The following GBP3 variants were observed in gnomAD, a reference collection of about 807,000 sequenced individuals.
GBP3 encodes guanylate binding protein 3, also known as guanylate-binding protein 3.
GBP3 carries 55 observed loss-of-function variants against 62.4 expected under a neutral mutation model. The ratio of observed to expected loss-of-function variants is 0.88; its 90% CI spans 0.71 to 1.10. The LOEUF is 1.10. Among genes scored for constraint, GBP3 ranks in the 50% least tolerant of loss-of-function variants. The probability of loss-of-function intolerance (pLI) is 0.00; values close to 1 mark genes in which losing one functional copy is unlikely to be tolerated. For missense variants in GBP3, 605 were observed against 690.6 expected (o/e 0.88, Z 1.39); for synonymous variants, 208 against 259.2 (o/e 0.80, Z 1.90).
intron 8 of GBP3, among the ~76,000 whole-genome samples, chr1:89,009,761 A>G (rs1570886481): frequency 6.6e-6 from 1 of 152,172 alleles, no homozygotes; most frequent in Non-Finnish European, 1.5e-5. Flanking sequence ...TCTAAATTTG[A>G]TGCTGTGGTT....
In GBP3 at chr1:89,011,848, C is replaced by T. The variant is rs182441339; in HGVS notation, c.1048G>A (p.Glu350Lys). 3.5e-5 allele frequency: 51 copies of T among 1,461,980 alleles called. 12 individuals are homozygous for T. The South Asian group carries it at 4.8e-4, about 14-fold the overall frequency. 90.6% of individuals were successfully genotyped at this position (1,461,980 alleles called of 1,614,324 possible). Residue 350 changes from glutamate to lysine, a missense_variant, in exon 7 of 11, where the codon GAG becomes AAG. Physicochemically the swap from Glu to Lys is moderately conservative, Grantham distance 56. Around this residue, in one of 3 missense-constraint regions of GBP3, gnomAD observed 137 missense variants for 224.7 expected, o/e 0.61. Coordinates refer to ENST00000370481, the MANE Select transcript of GBP3 (RefSeq NM_018284.3). ...CTAACCCTGTGCAGGTCCAGCAGCT[C>T]CTGGAGGGTTTCTGCGGGCAGCTGC... ...KVQLPAETLQ[E>K]LLDLHRVSER... is the part of the protein sequence containing the mutation.
chr1:89,007,609 A>G lies in GBP3; in HGVS notation c.*115T>C. Reference sequence around the variant, plus strand: ...ATCATTGAACTGCATGTTCTTGTAAACTTTTAGTGTTATGATGCAAGATCT... The same window carrying G: ...ATCATTGAACTGCATGTTCTTGTAAGCTTTTAGTGTTATGATGCAAGATCT... On this transcript the variant is annotated 3_prime_UTR_variant, in exon 11 of 11. Coordinates refer to ENST00000370481, the MANE Select transcript of GBP3 (RefSeq NM_018284.3). 1.0e-6 allele frequency: 1 copy of G among 963,226 alleles called. No individual in the cohort carries two copies. The highest frequency in any genetic ancestry group is 2.4e-5 in the Admixed American group (1 of 41,604). 59.7% of individuals were successfully genotyped at this position (963,226 alleles called of 1,614,324 possible).
At chr1:89,014,928 A>AT (rs1553177180) in intron 3 of GBP3, among the ~76,000 whole-genome samples, 1 of 152,246 alleles carries the variant, frequency 6.6e-6, no homozygotes, top group Non-Finnish European at 1.5e-5. Context: ...GTTAATGGGC[A>AT]TTCTAAGGCC....
In GBP3 at chr1:89,014,718, G is replaced by C. The variant is rs555993614; in HGVS notation, c.319-62C>G. Reference sequence around the variant, plus strand: ...TCATCATCACAGCACTTTCCAGAGTGACAGTAGTAAAAGTATATCATAAGT... The same window carrying C: ...TCATCATCACAGCACTTTCCAGAGTCACAGTAGTAAAAGTATATCATAAGT... On this transcript the variant is annotated intron_variant, in intron 3 of 10. Coordinates refer to ENST00000370481, the MANE Select transcript of GBP3 (RefSeq NM_018284.3). The C allele has an allele frequency of 5.9e-4, 946 of 1,600,182 alleles. 10 individuals are homozygous for C. The South Asian group carries it at 9.9e-3, about 17-fold the overall frequency.
In GBP3 at chr1:89,007,842, C is replaced by A. The variant is rs549380651; in HGVS notation, c.1670G>T (p.Arg557Leu). ...ACCTTGGCATCTCTCCTTTAGTACTCGGGCCTGTTCCTAAAAAGGGACAAA... is the reference window on the plus strand; with the variant it reads ...ACCTTGGCATCTCTCCTTTAGTACTAGGGCCTGTTCCTAAAAAGGGACAAA... ...TLTSKLQEQA[R>L]VLKERCQGES... The change falls in exon 11 of 11, where the codon CGA becomes CTA. Residue 557 changes from arginine to leucine, a missense_variant. Physicochemically the swap from Arg to Leu is moderately radical, Grantham distance 102 (BLOSUM62 -2). This residue lies in a region of GBP3 where 160 missense variants were observed against 147.8 expected (regional missense o/e 1.08). Transcript: ENST00000370481. 6.2e-7 allele frequency: 1 copy of A among 1,610,976 alleles called. No homozygotes were observed. The highest frequency in any genetic ancestry group is 1.1e-5 in the South Asian group (1 of 90,096).
rs374345130 is a variant in GBP3, at chr1:89,011,098, G to A, written c.1168C>T (p.Arg390Trp). 3.3e-5 allele frequency: 48 copies of A among 1,461,748 alleles called. 7 individuals are homozygous for A. Among genetic ancestry groups the A allele is most frequent in the Non-Finnish European group, 4.4e-5 (46 of 1,054,990 alleles). 90.5% of individuals were successfully genotyped at this position (1,461,748 alleles called of 1,614,324 possible). A position where few individuals can be genotyped will look rare whatever the true frequency, so the allele number is the denominator to read the frequency against. Residue 390 changes from arginine (R) to tryptophan (W), a missense_variant, in exon 8 of 11, where the codon CGG (arginine) becomes TGG (tryptophan). By Grantham distance (101) the Arg-to-Trp change is moderately radical. This residue lies in a region of GBP3 where 137 missense variants were observed against 224.7 expected (regional missense o/e 0.61). Transcript: ENST00000370481. ...KKLAAQLDKKRDDFCKQNQEA... is the reference protein window; with the variant it reads ...KKLAAQLDKKWDDFCKQNQEA... ...TGATTCTGTTTACAAAAGTCATCCC[G>A]CTTTTTGTCTAGCTGGGCCTTTAAT...
At chr1:89,014,717 T>G in intron 3 of GBP3, 61 bp from the exon 4 acceptor site, 11 of 1,601,696 alleles carry the variant, frequency 6.9e-6, no homozygotes, top group Non-Finnish European at 9.4e-6. Context: ...CTTTCCAGAG[T>G]GACAGTAGTA....
chr1:89,019,504 T>C (rs925316977), intron 2 of GBP3, among the ~76,000 whole-genome samples: 2 of 152,198 alleles, frequency 1.3e-5, no homozygotes, highest in African/African-American at 4.8e-5. Context: ...GTCAGGCTAG[T>C]CTTGAACTCC....
Position 89,013,073 on chromosome 1 carries a change from A to G in GBP3, c.868+112T>C, listed in dbSNP as rs191847658. The G allele has an allele frequency of 2.4e-5, 29 of 1,199,290 alleles. No homozygotes were observed. In the Admixed American group the frequency reaches 6.1e-4, roughly 25 times the overall value. 74.3% of individuals were successfully genotyped at this position (1,199,290 alleles called of 1,614,324 possible). On this transcript the variant is annotated intron_variant, in intron 6 of 10. Coordinates refer to ENST00000370481, the MANE Select transcript of GBP3 (RefSeq NM_018284.3). ...GGTTGGTCTCAAACTCCTGGCCTCA[A>G]GTGATCTGCCCTCCTCGGCCTCCCA...
At chr1:89,022,027 C>CT (rs1679266287) in intron 1 of GBP3, among the ~76,000 whole-genome samples, 2 of 146,114 alleles carry the variant, frequency 1.4e-5, no homozygotes, top group South Asian at 4.4e-4. Context: ...AGAGGAAAAA[C>CT]TAGGCCACCG....
intron 1 of GBP3, among the ~76,000 whole-genome samples, chr1:89,021,510 G>GCGCGCGCGCGCACA (rs751639388): frequency 1.5e-5 from 2 of 131,738 alleles, no homozygotes; most frequent in African/African-American, 6.0e-5. Flanking sequence ...GCGCGCGCGC[G>GCGCGCGCGCGCACA]CACACACACA....
In GBP3 at chr1:89,007,750, A is replaced by G. The variant is rs1224947991; in HGVS notation, c.1762T>C (p.Tyr588His). 2.5e-6 allele frequency: 4 copies of G among 1,612,282 alleles called. No individual in the cohort carries two copies. Among genetic ancestry groups the G allele is most frequent in the Non-Finnish European group, 3.4e-6 (4 of 1,179,424 alleles). The change falls in exon 11 of 11, where the codon TAT becomes CAT. Residue 588 changes from tyrosine to histidine, a missense_variant. Physicochemically the swap from Tyr to His is moderately conservative, Grantham distance 83. Around this residue, in one of 3 missense-constraint regions of GBP3, gnomAD observed 160 missense variants for 147.8 expected, o/e 1.08. Coordinates refer to ENST00000370481, the MANE Select transcript of GBP3 (RefSeq NM_018284.3). ...QKTLKKKTKR[Y>H]MSHKLKI ...TAGATCTTTAGCTTATGCGACATAT[A>G]TCTCTTGGTTTTTTTTTTCAGGGTC...
At position 89,009,502 on chromosome 1, in the gene GBP3, C is replaced by A. The variant is rs1345982058; in HGVS notation, c.1363-8G>T. 2 of 1,613,410 alleles carry A rather than the reference C, an allele frequency of 1.2e-6. No homozygotes were observed. The highest frequency in any genetic ancestry group is 2.2e-5 in the South Asian group (2 of 90,942). ...CTGCAGAATCTCTTCAGCCTTAGGACCCAGAGAACACAGAGTGAGAAGTAG... is the reference window on the plus strand; with the variant it reads ...CTGCAGAATCTCTTCAGCCTTAGGAACCAGAGAACACAGAGTGAGAAGTAG... On this transcript the variant is annotated splice_polypyrimidine_tract_variant and splice_region_variant and intron_variant, in intron 8 of 10. Coordinates refer to ENST00000370481, the MANE Select transcript of GBP3 (RefSeq NM_018284.3).
chr1:89,008,647 C>T (rs964232221), intron 10 of GBP3, among the ~76,000 whole-genome samples: 3 of 151,798 alleles, frequency 2.0e-5, no homozygotes, highest in African/African-American at 7.3e-5. Context: ...AAAGTTCTCG[C>T]TTCATATGGT....
chr1:89,019,231 C>T (rs575942842), intron 2 of GBP3, among the ~76,000 whole-genome samples: 16 of 152,220 alleles, frequency 1.1e-4, no homozygotes, highest in South Asian at 2.1e-4. Context: ...AACTGACAAG[C>T]GAACAGATAA....
At chr1:89,012,655 G>A (rs72965332) in intron 6 of GBP3, among the ~76,000 whole-genome samples, 5,486 of 137,574 alleles carry the variant, frequency 0.04, 667 homozygotes, top group African/African-American at 0.13. Context: ...CTACTGTACT[G>A]TACAGTGCAG....
chr1:89,010,983 G>C lies in GBP3; in HGVS notation c.1283C>G (p.Pro428Arg). Reference sequence around the variant, plus strand: ...CTGAATAAAGAGACAATAGCCCCCTGGTTTCGAATAAATTCCCGCCTTCAC... The same window carrying C: ...CTGAATAAAGAGACAATAGCCCCCTCGTTTCGAATAAATTCCCGCCTTCAC... Reference protein sequence around the residue: ...EEVKAGIYSKPGGYCLFIQKL... With the variant: ...EEVKAGIYSKRGGYCLFIQKL... Residue 428 changes from proline to arginine, a missense_variant, in exon 8 of 11, where the codon CCA becomes CGA. Physicochemically the swap from Pro to Arg is moderately radical, Grantham distance 103. Coordinates refer to ENST00000370481, the MANE Select transcript of GBP3 (RefSeq NM_018284.3). 6.8e-7 allele frequency: 1 copy of C among 1,461,434 alleles called. No homozygotes were observed. The highest frequency in any genetic ancestry group is 9.5e-7 in the Non-Finnish European group (1 of 1,055,054). The allele number at this position is 1,461,434 out of a possible 1,614,324, so 90.5% of individuals were successfully genotyped here. A position where few individuals can be genotyped will look rare whatever the true frequency, so the allele number is the denominator to read the frequency against.
Position 89,015,336 on chromosome 1 carries a change from T to C in GBP3, c.269A>G (p.Glu90Gly). The C allele has an allele frequency of 6.2e-7, 1 of 1,613,668 alleles. No homozygotes were observed. Residue 90 changes from glutamate (E) to glycine (G), a missense_variant, in exon 3 of 11, where the codon GAA becomes GGA. By Grantham distance (98) the Glu-to-Gly change is moderately conservative. Around this residue, in one of 3 missense-constraint regions of GBP3, gnomAD observed 308 missense variants for 318.0 expected, o/e 0.97. Coordinates refer to ENST00000370481, the MANE Select transcript of GBP3 (RefSeq NM_018284.3). The stretch of plus-strand genomic sequence containing the variant: ...AGTGTCAAGCAGGACTAAGGTGTGT[T>C]CTGGCTTTTTGGGGTGAGGCACACA... ...MWCVPHPKKP[E>G]HTLVLLDTEG...
chr1:89,008,807 C>T, intron 10 of GBP3, 140 bp downstream of exon 10: 1 of 1,471,460 alleles, frequency 6.8e-7, no homozygotes, highest in South Asian at 1.4e-5. Flanking sequence ...TCAAGTCAGA[C>T]AGACAGAAAC....
Sources: allele counts gnomAD v4.1 joint callset (sites outside exome capture counted in the v4.1 genomes callset), GRCh38; gene constraint gnomAD v4.1.1; regional missense constraint gnomAD v4.1.1; transcripts MANE v1.5; gene names NCBI Gene and HGNC (gene_info 2026-07-23, HGNC 2026-07-21).